GRID2: variants seen among roughly 807,000 people sequenced by gnomAD.
The protein encoded by GRID2 is glutamate ionotropic receptor delta type subunit 2, also known as glutamate receptor ionotropic, delta-2.
In GRID2, 33 loss-of-function variants were observed where a neutral mutation model predicts 114.8. The observed-to-expected ratio is 0.29, with a 90% CI of 0.22 to 0.38. The LOEUF is 0.38. GRID2 is among the 10% of genes least tolerant of loss of function. GRID2 has a pLI of 1.00. For synonymous variants in GRID2, 505 were observed against 449.9 expected (o/e 1.12, Z -1.55); for missense variants, 1,184 against 1,257.7 (o/e 0.94, Z 0.89).
At chr4:93,393,514 T>C (rs1019767667) in intron 8 of GRID2, among the ~76,000 whole-genome samples, 2 of 151,942 alleles carry the variant, frequency 1.3e-5, no homozygotes, top group Non-Finnish European at 2.9e-5. Flanking sequence ...ATTGCCTAGG[T>C]TAGAAGATTA....
At chr4:92,489,843 TTA>T (rs1723070706) in intron 1 of GRID2, among the ~76,000 whole-genome samples, 1 of 147,036 alleles carries the variant, frequency 6.8e-6, no homozygotes, top group Non-Finnish European at 1.5e-5. Flanking sequence ...GAGACTCCAT[TTA>T]AAAAAAAAAA....
chr4:92,868,322 G>A (rs900227759), intron 2 of GRID2, among the ~76,000 whole-genome samples: 6 of 151,898 alleles, frequency 4.0e-5, no homozygotes, highest in South Asian at 2.1e-4. Context: ...CAAAATACCC[G>A]TACCCACCCT....
chr4:92,935,962 C>T (rs1478013980), intron 2 of GRID2, among the ~76,000 whole-genome samples: 1 of 145,614 alleles, frequency 6.9e-6, no homozygotes, highest in African/African-American at 2.4e-5. Flanking sequence ...GTGCAGCACA[C>T]CAGCATGGCA....
chr4:93,803,549 G>A (rs1008895898), intron 1 of GRID2, among the ~76,000 whole-genome samples: 10 of 151,732 alleles, frequency 6.6e-5, no homozygotes, highest in Non-Finnish European at 8.8e-5. Flanking sequence ...TAGTGAAACC[G>A]TGTCTCTACT....
intron 12 of GRID2, among the ~76,000 whole-genome samples, chr4:93,505,785 T>C (rs1728571494): frequency 6.6e-6 from 1 of 151,898 alleles, no homozygotes; most frequent in African/African-American, 2.4e-5. Context: ...ATGATATTTC[T>C]GTCAACACTG....
chr4:93,648,294 A>C (rs911341011), intron 14 of GRID2, among the ~76,000 whole-genome samples: 1 of 152,160 alleles, frequency 6.6e-6, no homozygotes, highest in Non-Finnish European at 1.5e-5. Context: ...AGAAATATGG[A>C]TTTAGGATTT....
At chr4:93,471,698 ATTTTTTT>A (rs897411033) in intron 11 of GRID2, among the ~76,000 whole-genome samples, 1 of 61,008 alleles carries the variant, frequency 1.6e-5, no homozygotes. Flanking sequence ...CCTGAATTCA[ATTTTTTT>A]TTTTTTTTTT....
rs553429230 is a variant in GRID2 at position 92,597,921 on chromosome 4, T to C, written c.244+7635T>C. 4.6e-5 allele frequency among the ~76,000 whole-genome samples: 7 copies of C among 152,296 alleles called. No individual in the cohort carries two copies. In the East Asian group the frequency reaches 1.4e-3, roughly 29 times the overall value. On this transcript the variant is annotated intron_variant, in intron 2 of 15. Transcript: ENST00000282020. ...TGATGACTTCAGTATATTTGGAATT[T>C]TCAATCTGTTATCACTATTATCAAT...
At chr4:92,328,558 A>G (rs1726714345) in intron 1 of GRID2, among the ~76,000 whole-genome samples, 1 of 152,044 alleles carries the variant, frequency 6.6e-6, no homozygotes, top group Non-Finnish European at 1.5e-5. Flanking sequence ...TAGAGACGAT[A>G]GATTGGATTC....
chr4:93,506,030 C>G (rs1220501416), intron 12 of GRID2, among the ~76,000 whole-genome samples: 2 of 152,262 alleles, frequency 1.3e-5, no homozygotes, highest in Non-Finnish European at 2.9e-5. Flanking sequence ...TTTCCATCTT[C>G]CCTTAGATTC....
chr4:93,048,410 C>A (rs1726369757), intron 2 of GRID2, among the ~76,000 whole-genome samples: 1 of 151,932 alleles, frequency 6.6e-6, no homozygotes, highest in African/African-American at 2.4e-5. Flanking sequence ...GAGTCAGGTA[C>A]CTGATTCTCT....
intron 2 of GRID2, among the ~76,000 whole-genome samples, chr4:92,917,764 A>G (rs1748932888): frequency 6.6e-6 from 1 of 152,092 alleles, no homozygotes; most frequent in South Asian, 2.1e-4. Context: ...CTTGTAGTAT[A>G]GTTTGAAGTC....
chr4:93,354,827 TA>T (rs1322972375), intron 8 of GRID2, among the ~76,000 whole-genome samples: 19 of 146,278 alleles, frequency 1.3e-4, no homozygotes, highest in African/African-American at 4.7e-4. Flanking sequence ...TATATATATA[TA>T]TATAATATAT....
chr4:93,720,795 C>T (rs1299075327), intron 14 of GRID2, among the ~76,000 whole-genome samples: 2 of 152,144 alleles, frequency 1.3e-5, no homozygotes, highest in Non-Finnish European at 2.9e-5. Context: ...AAACATAAGT[C>T]ACCTAAAAAA....
intron 1 of GRID2, among the ~76,000 whole-genome samples, chr4:92,588,486 C>G (rs1157656945): frequency 6.6e-6 from 1 of 151,234 alleles, no homozygotes; most frequent in Non-Finnish European, 1.5e-5. Context: ...ACCATCCTGG[C>G]TAACACAGTG....
In GRID2 at chr4:92,794,874, TTATATA is replaced by T. The variant is rs34559735; in HGVS notation, c.244+204615_244+204620del. Among the ~76,000 whole-genome samples the T allele has an allele frequency of 5.9e-3, 627 of 106,032 alleles. 11 individuals carry two copies. The highest frequency in any genetic ancestry group is 0.022 in the African/African-American group (535 of 24,014). The allele number at this position is 106,032 out of a possible 152,430, so 69.6% of individuals were successfully genotyped here. A position where few individuals can be genotyped will look rare whatever the true frequency, so the allele number is the denominator to read the frequency against. On this transcript the variant is annotated intron_variant, in intron 2 of 15. Transcript: ENST00000282020. ...CAGAGTCATTTAATAAATAATTGTT[TTATATA>T]TATATATATATATATATATATATAT...
At chr4:92,860,559 A>G (rs1744462025) in intron 2 of GRID2, among the ~76,000 whole-genome samples, 1 of 152,084 alleles carries the variant, frequency 6.6e-6, no homozygotes, top group African/African-American at 2.4e-5. Flanking sequence ...TCAGCTATAA[A>G]CTGTCAGCAT....
Position 93,802,778 on chromosome 4 carries a change from A to T in GRID2, c.222-3937A>T, listed in dbSNP as rs556919662. ...AAGATAAATTCTCTATGATAAATTTAAAAAAACCATAATTAAGGGTCAAGG... is the reference window on the plus strand; with the variant it reads ...AAGATAAATTCTCTATGATAAATTTTAAAAAACCATAATTAAGGGTCAAGG... On this transcript the variant is annotated intron_variant, in intron 1 of 1. Coordinates refer to the GRID2 transcript ENST00000637838. 2.2e-3 allele frequency among the ~76,000 whole-genome samples: 328 copies of T among 152,340 alleles called. 2 individuals carry two copies. Among genetic ancestry groups the T allele is most frequent in the African/African-American group, 7.4e-3 (306 of 41,584 alleles).
At chr4:93,769,522 G>A (rs937897760) in intron 15 of GRID2, 72 bp downstream of exon 15, 1 of 1,475,274 alleles carries the variant, frequency 6.8e-7, no homozygotes, top group Non-Finnish European at 9.4e-7. Context: ...GACCATCCCA[G>A]GGAGGATAAT....
Sources: gnomAD v4.1 joint callset for allele counts (sites outside exome capture counted in the v4.1 genomes callset) on GRCh38, gnomAD v4.1.1 for gene constraint, MANE v1.5 for transcripts, NCBI Gene and HGNC (gene_info 2026-07-23, HGNC 2026-07-21) for gene names.